AUTS2: variants seen among roughly 807,000 people sequenced by gnomAD.
AUTS2 encodes autism susceptibility gene 2 protein.
Under a neutral mutation model 112.4 loss-of-function variants are expected in AUTS2, and 17 were observed. The ratio of observed to expected loss-of-function variants is 0.15; its 90% CI spans 0.10 to 0.23. AUTS2 has a LOEUF of 0.23. AUTS2 is among the 10% of genes least tolerant of loss of function. AUTS2 has a pLI of 1.00. For missense variants in AUTS2, 1,510 were observed against 1,701.6 expected, an observed-to-expected ratio of 0.89 and a Z score of 1.98; for synonymous variants, 751 against 702.7, an observed-to-expected ratio of 1.07 and a Z score of -1.09.
chr7:70,435,136 T>C (rs1795836833), intron 4 of AUTS2, among the ~76,000 whole-genome samples: 1 of 152,224 alleles, frequency 6.6e-6, no homozygotes, highest in Non-Finnish European at 1.5e-5. Context: ...CTCTTGTCTT[T>C]GGCATACTTT....
At chr7:70,055,452 A>G (rs114618496) in intron 2 of AUTS2, among the ~76,000 whole-genome samples, 2,467 of 152,260 alleles carry the variant, frequency 0.016, 23 homozygotes, top group Middle Eastern at 0.031. Flanking sequence ...AAAATTCTAT[A>G]TTTGATTTCA....
chr7:70,640,982 C>T (rs1054693846), intron 5 of AUTS2, among the ~76,000 whole-genome samples: 2 of 152,186 alleles, frequency 1.3e-5, no homozygotes, highest in African/African-American at 2.4e-5. Context: ...TTTCTCACCT[C>T]CCAGGCCTGC....
intron 4 of AUTS2, among the ~76,000 whole-genome samples, chr7:70,314,074 G>T (rs1430190332): frequency 6.6e-6 from 1 of 152,200 alleles, no homozygotes; most frequent in Non-Finnish European, 1.5e-5. Flanking sequence ...TCTTTCTCTT[G>T]TTAAAATGAT....
At chr7:70,528,784 G>A (rs1799959858) in intron 5 of AUTS2, among the ~76,000 whole-genome samples, 1 of 150,936 alleles carries the variant, frequency 6.6e-6, no homozygotes, top group Non-Finnish European at 1.5e-5. Flanking sequence ...TTCTAGTCTG[G>A]GCATCATAGC....
intron 16 of AUTS2, chr7:70,785,476 C>A: frequency 2.1e-6 from 1 of 469,616 alleles, no homozygotes; most frequent in Non-Finnish European, 4.2e-6. Context: ...AATAAAGGTG[C>A]ATGCTTTGTG....
intron 4 of AUTS2, among the ~76,000 whole-genome samples, chr7:70,317,740 A>G (rs1430018929): frequency 6.6e-6 from 1 of 152,244 alleles, no homozygotes; most frequent in African/African-American, 2.4e-5. Flanking sequence ...TACCGAAGGC[A>G]TGGCCCTGCC....
At chr7:69,777,424 A>C (rs1031712221) in intron 1 of AUTS2, among the ~76,000 whole-genome samples, 1 of 152,180 alleles carries the variant, frequency 6.6e-6, no homozygotes, top group Non-Finnish European at 1.5e-5. Flanking sequence ...TCTTTGGTTG[A>C]TTGAAGATCT....
At chr7:70,003,688 A>G (rs1799361267) in intron 2 of AUTS2, among the ~76,000 whole-genome samples, 1 of 126,000 alleles carries the variant, frequency 7.9e-6, no homozygotes, top group East Asian at 2.3e-4. Flanking sequence ...TGTGTTATAT[A>G]TGAATATATA....
chr7:70,267,875 A>G (rs1227731542), intron 4 of AUTS2, among the ~76,000 whole-genome samples: 3 of 152,188 alleles, frequency 2.0e-5, no homozygotes, highest in Non-Finnish European at 2.9e-5. Flanking sequence ...TTCCCCCCCT[A>G]CACTTGCAAC....
chr7:69,942,358 A>G (rs1284264564), intron 2 of AUTS2, among the ~76,000 whole-genome samples: 1 of 152,190 alleles, frequency 6.6e-6, no homozygotes, highest in Non-Finnish European at 1.5e-5. Flanking sequence ...TTGGTATGCT[A>G]CCATTTATGT....
intron 4 of AUTS2, among the ~76,000 whole-genome samples, chr7:70,299,644 C>T (rs1337610995): frequency 6.6e-6 from 1 of 152,168 alleles, no homozygotes; most frequent in African/African-American, 2.4e-5. Flanking sequence ...GAGCACCTTG[C>T]AGCCCGTGCT....
At chr7:70,161,836 A>T (rs764226973) in intron 4 of AUTS2, among the ~76,000 whole-genome samples, 14 of 152,058 alleles carry the variant, frequency 9.2e-5, no homozygotes, top group Non-Finnish European at 1.8e-4. Flanking sequence ...CTCGTGGTGT[A>T]ATTTTTTACA....
intron 2 of AUTS2, among the ~76,000 whole-genome samples, chr7:69,922,013 G>A (rs556794991): frequency 1.2e-4 from 19 of 152,186 alleles, no homozygotes; most frequent in African/African-American, 4.1e-4. Flanking sequence ...GCAGTGAGCC[G>A]AGATCACGCC....
intron 1 of AUTS2, among the ~76,000 whole-genome samples, chr7:69,614,884 A>G (rs565290055): frequency 1.3e-5 from 2 of 152,134 alleles, no homozygotes; most frequent in East Asian, 1.9e-4. Flanking sequence ...AATAAACACA[A>G]TTGCCCCTTT....
At chr7:70,098,164 A>G (rs1393407300) in intron 2 of AUTS2, among the ~76,000 whole-genome samples, 1 of 152,226 alleles carries the variant, frequency 6.6e-6, no homozygotes, top group African/African-American at 2.4e-5. Context: ...AAGCCTGAAT[A>G]TAAGAGAACT....
intron 4 of AUTS2, among the ~76,000 whole-genome samples, chr7:70,203,046 G>A (rs1810371512): frequency 6.9e-6 from 1 of 144,774 alleles, no homozygotes; most frequent in Non-Finnish European, 1.5e-5. Flanking sequence ...ATCCTTTGTA[G>A]GGACATGGAT....
chr7:69,650,071 T>C (rs1712915039), intron 1 of AUTS2, among the ~76,000 whole-genome samples: 1 of 152,146 alleles, frequency 6.6e-6, no homozygotes. Flanking sequence ...TGGGAATGGG[T>C]AGGAGTTAAA....
At chr7:69,872,831 A>ATTTTTTTT (rs1793558367) in intron 1 of AUTS2, among the ~76,000 whole-genome samples, 1 of 90,536 alleles carries the variant, frequency 1.1e-5, no homozygotes, top group African/African-American at 4.8e-5. Context: ...TGTAGCCTAT[A>ATTTTTTTT]TTCTTTTTTT....
Position 70,606,469 on chromosome 7 carries a change from C to T in AUTS2, c.691-92100C>T, listed in dbSNP as rs115281605. Among the ~76,000 whole-genome samples, 1,202 of 152,140 alleles carry T rather than the reference C, an allele frequency of 7.9e-3. 23 individuals are homozygous for T. The highest frequency in any genetic ancestry group is 0.028 in the African/African-American group (1,160 of 41,474). ...ACTGTGCAGGCACTTTGTTAGCAGC[C>T]GGGGATACAGTGGTGAAAAAAGTAG... On this transcript the variant is annotated intron_variant, in intron 5 of 18. Coordinates refer to ENST00000342771, the MANE Select transcript of AUTS2 (RefSeq NM_015570.4).
Sources: allele counts gnomAD v4.1 joint callset (sites outside exome capture counted in the v4.1 genomes callset), GRCh38; gene constraint gnomAD v4.1.1; transcripts MANE v1.5; gene names NCBI Gene and HGNC (gene_info 2026-07-23, HGNC 2026-07-21).